The following SNX29 variants were observed in gnomAD, a reference collection of about 807,000 sequenced individuals.
SNX29 encodes the protein sorting nexin-29.
SNX29 carries 78 observed loss-of-function variants against 102.1 expected under a neutral mutation model. The ratio of observed to expected loss-of-function variants is 0.76; its 90% CI spans 0.64 to 0.92. SNX29 has a LOEUF of 0.92. SNX29 is among the 40% of genes least tolerant of loss of function. The pLI, the probability that SNX29 is intolerant of heterozygous loss-of-function variation, is 0.00. For synonymous variants in SNX29, 580 were observed against 414.5 expected, an observed-to-expected ratio of 1.40 and a Z score of -4.85; for missense variants, 1,280 against 1,061.7, an observed-to-expected ratio of 1.21 and a Z score of -2.86.
At chr16:12,390,964 G>A (rs983180033) in intron 16 of SNX29, among the ~76,000 whole-genome samples, 2 of 151,976 alleles carry the variant, frequency 1.3e-5, no homozygotes, top group African/African-American at 2.4e-5. Flanking sequence ...TTATTGTTTC[G>A]AGATGGGGTC....
intron 10 of SNX29, among the ~76,000 whole-genome samples, chr16:12,069,512 C>A (rs1435457639): frequency 6.6e-6 from 1 of 152,086 alleles, no homozygotes; most frequent in East Asian, 1.9e-4. Flanking sequence ...AGGTGATCTG[C>A]CCACCTCGGC....
At chr16:12,208,854 A>C (rs951728626) in intron 14 of SNX29, among the ~76,000 whole-genome samples, 1 of 151,940 alleles carries the variant, frequency 6.6e-6, no homozygotes. Context: ...AAAAAAAAAA[A>C]AAAAAGACTG....
chr16:12,405,356 T>C (rs1256314794), intron 18 of SNX29, among the ~76,000 whole-genome samples: 1 of 152,178 alleles, frequency 6.6e-6, no homozygotes, highest in Non-Finnish European at 1.5e-5. Flanking sequence ...TGGGAGATTG[T>C]TTCCACAGTG....
chr16:12,402,213 C>T (rs1219633035), intron 17 of SNX29, among the ~76,000 whole-genome samples: 4 of 152,228 alleles, frequency 2.6e-5, no homozygotes, highest in African/African-American at 9.6e-5. Context: ...GTCAGCTCCT[C>T]TGCTCAGAGA....
chr16:12,154,428 C>A (rs2055442645), intron 13 of SNX29, among the ~76,000 whole-genome samples: 1 of 152,152 alleles, frequency 6.6e-6, no homozygotes, highest in Admixed American at 6.5e-5. Flanking sequence ...GAGATTCTGG[C>A]AGGCTTTTCT....
intron 20 of SNX29, chr16:12,560,734 C>G (rs888349092): frequency 3.0e-5 from 5 of 168,482 alleles, no homozygotes; most frequent in South Asian, 4.1e-4. Context: ...AACATCAAAA[C>G]CAACCTCTGC....
At chr16:11,998,662 C>G (rs1057178657) in intron 1 of SNX29, among the ~76,000 whole-genome samples, 1 of 152,146 alleles carries the variant, frequency 6.6e-6, no homozygotes, top group Non-Finnish European at 1.5e-5. Context: ...GGGAGTGATG[C>G]TCTGCATAGC....
At chr16:12,211,019 A>T (rs2077170312) in intron 14 of SNX29, among the ~76,000 whole-genome samples, 1 of 152,170 alleles carries the variant, frequency 6.6e-6, no homozygotes, top group Admixed American at 6.5e-5. Flanking sequence ...TTTAGTGCAG[A>T]GTGAGGCTTC....
intron 4 of SNX29, among the ~76,000 whole-genome samples, chr16:12,039,242 C>T (rs546538820): frequency 5.3e-5 from 8 of 152,374 alleles, no homozygotes; most frequent in African/African-American, 1.7e-4. Flanking sequence ...GGACTGGGCA[C>T]TGTGCTCGGT....
intron 18 of SNX29, among the ~76,000 whole-genome samples, chr16:12,461,308 A>C (rs1160264436): frequency 2.0e-5 from 3 of 152,160 alleles, no homozygotes; most frequent in African/African-American, 7.2e-5. Context: ...GAGATTGGAT[A>C]CCTGTGAATG....
At chr16:12,384,291 G>A (rs904712612) in intron 16 of SNX29, among the ~76,000 whole-genome samples, 3 of 152,138 alleles carry the variant, frequency 2.0e-5, no homozygotes, top group Non-Finnish European at 4.4e-5. Context: ...TTTGAGAAAC[G>A]TCCAAATTTT....
chr16:12,385,230 TCTTTG>T (rs981545464), intron 16 of SNX29, among the ~76,000 whole-genome samples: 1 of 152,136 alleles, frequency 6.6e-6, no homozygotes, highest in Non-Finnish European at 1.5e-5. Context: ...ATTTCTAAAG[TCTTTG>T]CTTATTGGGG....
chr16:12,072,747 C>A (rs1310969649), intron 10 of SNX29, among the ~76,000 whole-genome samples: 1 of 151,988 alleles, frequency 6.6e-6, no homozygotes, highest in Non-Finnish European at 1.5e-5. Context: ...GGAATGGTAC[C>A]AGTTCCTCCT....
intron 14 of SNX29, among the ~76,000 whole-genome samples, chr16:12,219,642 A>G (rs748981029): frequency 1.3e-5 from 2 of 152,232 alleles, no homozygotes; most frequent in African/African-American, 4.8e-5. Flanking sequence ...TATTGAATGT[A>G]TAAACATGTT....
At chr16:12,476,408 A>G (rs1430227238) in intron 18 of SNX29, among the ~76,000 whole-genome samples, 7 of 23,378 alleles carry the variant, frequency 3.0e-4, no homozygotes, top group East Asian at 3.3e-3. Flanking sequence ...ATATATATAT[A>G]TATACATATA....
intron 18 of SNX29, among the ~76,000 whole-genome samples, chr16:12,412,003 C>G (rs933374180): frequency 6.6e-6 from 1 of 152,220 alleles, no homozygotes; most frequent in Non-Finnish European, 1.5e-5. Flanking sequence ...TCACCAAGGG[C>G]TTTACATGGG....
intron 3 of SNX29, among the ~76,000 whole-genome samples, chr16:12,021,749 G>A (rs573880576): frequency 7.0e-4 from 106 of 152,078 alleles, no homozygotes; most frequent in African/African-American, 2.3e-3. Flanking sequence ...AAAAATGGCC[G>A]GACGTGGTGG....
chr16:12,395,157 T>C (rs2040091017), intron 16 of SNX29, among the ~76,000 whole-genome samples: 1 of 152,212 alleles, frequency 6.6e-6, no homozygotes, highest in Non-Finnish European at 1.5e-5. Context: ...ACATAGTGGA[T>C]ACTTTTCATT....
At chr16:12,275,906 G>T (rs1253009106) in intron 14 of SNX29, among the ~76,000 whole-genome samples, 1 of 138,642 alleles carries the variant, frequency 7.2e-6, no homozygotes, top group Non-Finnish European at 1.5e-5. Flanking sequence ...TTTTTTTGGG[G>T]GGCGTGGTCA....
Sources: allele counts gnomAD v4.1 joint callset (sites outside exome capture counted in the v4.1 genomes callset), GRCh38; gene constraint gnomAD v4.1.1; transcripts MANE v1.5; gene names NCBI Gene and HGNC (gene_info 2026-07-23, HGNC 2026-07-21).